Variants in MYPN observed in about 807,000 individuals in gnomAD.
The protein encoded by MYPN is myopalladin, also known as sarcomeric protein myopalladin, 145 kDa (MYOP).
In MYPN, 63 loss-of-function variants were observed where a neutral mutation model predicts 129.4. The ratio of observed to expected loss-of-function variants is 0.49; its 90% CI spans 0.40 to 0.60. MYPN has a LOEUF of 0.60. Ranked by LOEUF, MYPN falls within the 20% of genes least tolerant of loss-of-function variation. The pLI is 0.00. For missense variants in MYPN, 1,596 were observed against 1,635.4 expected (o/e 0.98, Z 0.42); for synonymous variants, 629 against 600.9 (o/e 1.05, Z -0.68).
intron 19 of MYPN, 141 bp from the exon 20 acceptor site, chr10:68,210,145 G>T (rs914911956): frequency 6.2e-5 from 54 of 870,502 alleles, no homozygotes; most frequent in Admixed American, 1.2e-4. Context: ...CTACAAACGA[G>T]GCAATTCAGA....
chr10:68,153,920 C>A (rs887074677), intron 6 of MYPN, among the ~76,000 whole-genome samples: 1 of 150,054 alleles, frequency 6.7e-6, no homozygotes, highest in Non-Finnish European at 1.5e-5. Context: ...GGCAAGAAGC[C>A]AGTTTTTTTT....
rs1564636548 is a variant in MYPN, at chr10:68,096,559, A to G, written c.-2+8567A>G. On this transcript the variant is annotated intron_variant, in intron 1 of 6. Transcript: ENST00000685154. ...CCTGAGTGACAGAGTGAGGCAAAAAAATTATTCAAGCACAGTATTATTAAT... is the reference window on the plus strand; with the variant it reads ...CCTGAGTGACAGAGTGAGGCAAAAAGATTATTCAAGCACAGTATTATTAAT... 4.6e-5 allele frequency among the ~76,000 whole-genome samples: 7 copies of G among 152,154 alleles called. No homozygotes were observed. The South Asian group carries it at 1.5e-3, about 32-fold the overall frequency.
intron 2 of MYPN, among the ~76,000 whole-genome samples, chr10:68,139,115 A>G (rs958485266): frequency 6.6e-5 from 10 of 152,180 alleles, no homozygotes; most frequent in African/African-American, 2.4e-4. Flanking sequence ...CTGCTGGCTC[A>G]GTCTGCAACT....
chr10:68,158,990 TCCTCGGTTCAAGCGA>T (rs927145198), intron 7 of MYPN, among the ~76,000 whole-genome samples: 2 of 151,988 alleles, frequency 1.3e-5, no homozygotes, highest in Non-Finnish European at 2.9e-5. Context: ...AACCTCCACC[TCCTCGGTTCAAGCGA>T]TTCTCTTGCC....
At chr10:68,199,339 T>G (rs758441804) in intron 16 of MYPN, 29 bp from the exon 17 acceptor site, 4 of 1,608,182 alleles carry the variant, frequency 2.5e-6, no homozygotes, top group African/African-American at 2.7e-5. Context: ...TCATCAGTCA[T>G]GTGCCTCAGC....
rs140933016 is a variant in MYPN at position 68,174,413 on chromosome 10, C to A, written c.2321C>A (p.Ser774Tyr). 93 of 1,614,034 alleles carry A rather than the reference C, an allele frequency of 5.8e-5. No homozygotes were observed. The African/African-American group carries it at 8.8e-4, about 15-fold the overall frequency. Residue 774 changes from serine (S) to tyrosine (Y), a missense_variant, in exon 11 of 20, where the codon TCT (serine) becomes TAT (tyrosine). Physicochemically the swap from Ser to Tyr is moderately radical, Grantham distance 144. Coordinates refer to ENST00000358913, the MANE Select transcript of MYPN (RefSeq NM_032578.4). ...TCTCACCCCTCTGTGCAAACCAAAT[C>A]TCCAGGAGGGCTTTCCATCCAAAAT... Reference protein sequence around the residue: ...LVSHPSVQTKSPGGLSIQNEP... With the variant: ...LVSHPSVQTKYPGGLSIQNEP...
intron 2 of MYPN, chr10:68,136,861 C>T: frequency 1.0e-6 from 1 of 994,110 alleles, no homozygotes; most frequent in Non-Finnish European, 1.4e-6. Context: ...GCTTTAAAAG[C>T]CAAATGTTAT....
chr10:68,110,223 G>T (rs943460984), intron 1 of MYPN, among the ~76,000 whole-genome samples: 2 of 152,042 alleles, frequency 1.3e-5, no homozygotes, highest in East Asian at 3.9e-4. Context: ...AGAAAGTCTT[G>T]CTCAAGGGAC....
intron 12 of MYPN, among the ~76,000 whole-genome samples, chr10:68,184,685 C>T (rs559917825): frequency 2.8e-4 from 42 of 152,282 alleles, no homozygotes; most frequent in African/African-American, 8.4e-4. Flanking sequence ...GGAATGAGGG[C>T]GGGCAGCAGA....
chr10:68,095,689 A>G (rs888238679), intron 1 of MYPN, among the ~76,000 whole-genome samples: 5 of 152,248 alleles, frequency 3.3e-5, no homozygotes, highest in Admixed American at 6.5e-5. Flanking sequence ...CATAGGTTAT[A>G]TGGAACTAAG....
chr10:68,165,597 C>T (rs1273095664), intron 8 of MYPN, 105 bp from the exon 9 acceptor site: 1 of 901,114 alleles, frequency 1.1e-6, no homozygotes, highest in East Asian at 2.4e-5. Context: ...TTAATATAGC[C>T]AGCTTTTTAT....
At position 68,121,951 on chromosome 10, in the gene MYPN, A is replaced by G; in HGVS notation, c.513A>G (p.Lys171=). ...LSSLFKSHSS[K]RIRPRACKNH... ...CCCTTTTCAAATCCCACAGCTCCAA[A>G]AGGATTAGACCTCGTGCCTGCAAAA... Residue 171 remains lysine (K), a synonymous_variant, in exon 2 of 20, where the codon AAA becomes AAG. Transcript: ENST00000358913. The G allele has an allele frequency of 6.2e-7, 1 of 1,614,204 alleles. No homozygotes were observed. Among genetic ancestry groups the G allele is most frequent in the South Asian group, 1.1e-5 (1 of 91,082 alleles).
At chr10:68,173,903 G>C (rs1487131151) in intron 10 of MYPN, among the ~76,000 whole-genome samples, 163 bp from the exon 11 acceptor site, 2 of 150,280 alleles carry the variant, frequency 1.3e-5, no homozygotes, top group Admixed American at 1.3e-4. Context: ...CTGGACTCAA[G>C]TGATCCACCT....
chr10:68,179,851 G>C (rs2043287029), intron 12 of MYPN, among the ~76,000 whole-genome samples: 1 of 152,048 alleles, frequency 6.6e-6, no homozygotes. Flanking sequence ...TTTTAATAGA[G>C]AGGAGGTTTC....
chr10:68,134,962 A>C (rs965402032), intron 2 of MYPN, among the ~76,000 whole-genome samples: 1 of 151,296 alleles, frequency 6.6e-6, no homozygotes, highest in African/African-American at 2.4e-5. Flanking sequence ...TTATTTTATT[A>C]TTTTTTTTGA....
At chr10:68,130,696 T>A (rs2042396876) in intron 2 of MYPN, among the ~76,000 whole-genome samples, 1 of 152,214 alleles carries the variant, frequency 6.6e-6, no homozygotes, top group Non-Finnish European at 1.5e-5. Flanking sequence ...GTTTAAGAAA[T>A]TCTTCCTAAC....
exon 1 of MYPN, among the ~76,000 whole-genome samples, chr10:68,087,965 T>C (rs530002087): frequency 4.5e-4 from 68 of 152,302 alleles, no homozygotes; most frequent in Admixed American, 3.3e-3. Flanking sequence ...CAATGTAGCC[T>C]TTGGAGCTCC....
chr10:68,211,958 A>G lies in MYPN; in HGVS notation c.*1503A>G, dbSNP rs118157288. ...CAGTAACTGCTTAGAAAGGCTTGAA[A>G]CTGTCTTCACTTCAAGGCAAGGATT... On this transcript the variant is annotated 3_prime_UTR_variant, in exon 20 of 20. Coordinates refer to ENST00000358913, the MANE Select transcript of MYPN (RefSeq NM_032578.4). The G allele has an allele frequency of 0.013, 4,953 of 367,540 alleles. 52 individuals carry two copies. The highest frequency in any genetic ancestry group is 0.047 in the Middle Eastern group (48 of 1,024). The allele number at this position is 367,540 out of a possible 1,614,324, so 22.8% of individuals were successfully genotyped here. A position where few individuals can be genotyped will look rare whatever the true frequency, so the allele number is the denominator to read the frequency against.
At chr10:68,190,537 G>GT in intron 13 of MYPN, among the ~76,000 whole-genome samples, 1 of 152,132 alleles carries the variant, frequency 6.6e-6, no homozygotes, top group East Asian at 1.9e-4. Context: ...TTTTGTTTTT[G>GT]TTTTTTGCTA....
Sources: allele counts gnomAD v4.1 joint callset (sites outside exome capture counted in the v4.1 genomes callset), GRCh38; gene constraint gnomAD v4.1.1; transcripts MANE v1.5; gene names NCBI Gene and HGNC (gene_info 2026-07-23, HGNC 2026-07-21).